SLC44A2: variants seen among roughly 807,000 people sequenced by gnomAD.
The protein encoded by SLC44A2 is choline transporter-like protein 2.
In SLC44A2, 57 loss-of-function variants were observed where a neutral mutation model predicts 90.8. That is an observed-to-expected ratio of 0.63 (90% CI 0.51 to 0.78). SLC44A2 has a LOEUF of 0.78. Ranked by LOEUF, SLC44A2 falls within the 30% of genes least tolerant of loss-of-function variation. The pLI is 0.00. For synonymous variants in SLC44A2, 355 were observed against 360.7 expected (o/e 0.98, Z 0.18); for missense variants, 794 against 919.7 (o/e 0.86, Z 1.77).
intron 1 of SLC44A2, among the ~76,000 whole-genome samples, chr19:10,613,857 C>A (rs905512499): frequency 6.6e-6 from 1 of 152,134 alleles, no homozygotes. Context: ...CCCCTAAAAT[C>A]TCCGAAAGAA....
rs3859515 is a variant in SLC44A2 at position 10,644,427 on chromosome 19, T to C, written c.*1042T>C. On this transcript the variant is annotated 3_prime_UTR_variant, in exon 22 of 22. Coordinates refer to ENST00000335757, the MANE Select transcript of SLC44A2 (RefSeq NM_020428.4). The stretch of plus-strand genomic sequence containing the variant: ...TCCCAGGATCCTGGAGAGGGAGAAC[T>C]CCTGGCCCCAGGGGAAAGAGGGGGG... The C allele has an allele frequency of 1, 152,985 of 153,148 alleles. 76,411 individuals carry two copies. The highest frequency in any genetic ancestry group is 1 in the Middle Eastern group (296 of 296). The allele number at this position is 153,148 out of a possible 1,614,324, so 9.5% of individuals were successfully genotyped here. A position where few individuals can be genotyped will look rare whatever the true frequency, so the allele number is the denominator to read the frequency against.
chr19:10,630,290 C>T (rs900353070), intron 4 of SLC44A2, among the ~76,000 whole-genome samples: 4 of 151,814 alleles, frequency 2.6e-5, no homozygotes, highest in Non-Finnish European at 4.4e-5. Context: ...GTAGAGGCTG[C>T]AGTGAGCCAA....
At chr19:10,640,662 A>G (rs2144891573) in intron 20 of SLC44A2, among the ~76,000 whole-genome samples, 1 of 152,320 alleles carries the variant, frequency 6.6e-6, no homozygotes, top group South Asian at 2.1e-4. Flanking sequence ...CCAGATTGCT[A>G]GGGATGCAGC....
upstream of SLC44A2, among the ~76,000 whole-genome samples, chr19:10,625,096 T>C (rs2066919505): frequency 6.6e-6 from 1 of 151,792 alleles, no homozygotes; most frequent in Non-Finnish European, 1.5e-5. Flanking sequence ...ATTGCACCAC[T>C]GCACTCCAGC....
chr19:10,607,212 C>T (rs1264609767), intron 1 of SLC44A2, among the ~76,000 whole-genome samples: 3 of 151,922 alleles, frequency 2.0e-5, no homozygotes, highest in Non-Finnish European at 4.4e-5. Context: ...CTCGCCCGGC[C>T]TCTTGGGGCT....
At chr19:10,637,608 T>C (rs2067071600) in intron 16 of SLC44A2, 36 bp from the exon 17 acceptor site, 1 of 1,579,910 alleles carries the variant, frequency 6.3e-7, no homozygotes, top group African/African-American at 1.3e-5. Flanking sequence ...CAGGCTGGTG[T>C]CCCCTCACTT....
rs571382786 is a variant in SLC44A2 at position 10,613,863 on chromosome 19, A to G, written c.31+11302A>G. Among the ~76,000 whole-genome samples the G allele has an allele frequency of 3.9e-5, 6 of 152,268 alleles. No homozygotes were observed. In the East Asian group the frequency reaches 1.2e-3, roughly 29 times the overall value. ...ACAGATTTTCCCCTAAAATCTCCGAAAGAAACAGCCCTGCCTACACATCGA... is the reference window on the plus strand; with the variant it reads ...ACAGATTTTCCCCTAAAATCTCCGAGAGAAACAGCCCTGCCTACACATCGA... On this transcript the variant is annotated intron_variant, in intron 1 of 21. Transcript: ENST00000407327.
In SLC44A2 at chr19:10,629,373, G is replaced by A. The variant is rs190579444; in HGVS notation, c.245+1369G>A. Among the ~76,000 whole-genome samples the A allele has an allele frequency of 2.5e-3, 384 of 151,166 alleles. 3 individuals are homozygous for A. The highest frequency in any genetic ancestry group is 8.3e-3 in the African/African-American group (343 of 41,302). ...GCCCACTGCAACCTCCGTCTCCCGG[G>A]TTCAAGCGGTTCTCCTGCCTCAGCC... is the stretch of plus-strand genomic sequence containing the variant. On this transcript the variant is annotated intron_variant, in intron 4 of 21. Coordinates refer to ENST00000335757, the MANE Select transcript of SLC44A2 (RefSeq NM_020428.4).
intron 20 of SLC44A2, chr19:10,641,031 G>A: frequency 2.4e-6 from 1 of 408,608 alleles, no homozygotes; most frequent in Non-Finnish European, 4.7e-6. Context: ...AGGTTGCACT[G>A]AGCCAAGGTC....
intron 21 of SLC44A2, 115 bp from the exon 22 acceptor site, chr19:10,643,164 G>A: frequency 2.7e-6 from 4 of 1,465,428 alleles, no homozygotes; most frequent in East Asian, 2.5e-5. Context: ...GTCCCAGTGT[G>A]TCTGCTTTCT....
chr19:10,643,220 TTGA>T, intron 21 of SLC44A2, 56 bp from the exon 22 acceptor site: 1 of 1,557,586 alleles, frequency 6.4e-7, no homozygotes, highest in South Asian at 1.2e-5. Flanking sequence ...TACCCTGTCC[TTGA>T]GGCCCCTGCC....
chr19:10,642,999 G>A (rs757076774), intron 21 of SLC44A2: 92 of 1,571,578 alleles, frequency 5.9e-5, no homozygotes, highest in Non-Finnish European at 7.1e-5. Flanking sequence ...GAGGGGAAGC[G>A]GGCAGAAGCC....
rs1918155034 is a variant in SLC44A2, at chr19:10,607,780, C to CT, written c.31+5220dup. Among the ~76,000 whole-genome samples, 5 of 146,352 alleles carry CT rather than the reference C, an allele frequency of 3.4e-5. No homozygotes were observed. The Admixed American group carries it at 3.5e-4, about 10-fold the overall frequency. On this transcript the variant is annotated intron_variant, in intron 1 of 21. Coordinates refer to the SLC44A2 transcript ENST00000407327. ...TTTTTTTTTGAGACGGAGTCTCACTCTGTCGCTCAGGCTGGAGTGCAGTGG... is the reference window on the plus strand; with the variant it reads ...TTTTTTTTTGAGACGGAGTCTCACTCTTGTCGCTCAGGCTGGAGTGCAGTGG...
Position 10,627,907 on chromosome 19 carries a change from G to A in SLC44A2, c.161-13G>A. Reference sequence around the variant, plus strand: ...GAGTGGCAGTGTCTCAGTATCCCTGGATCTTTCCACAGCCTGGACTCATGG... The same window carrying A: ...GAGTGGCAGTGTCTCAGTATCCCTGAATCTTTCCACAGCCTGGACTCATGG... On this transcript the variant is annotated splice_polypyrimidine_tract_variant and intron_variant, in intron 3 of 21. Transcript: ENST00000335757. The A allele has an allele frequency of 6.2e-7, 1 of 1,613,894 alleles. No homozygotes were observed. Among genetic ancestry groups the A allele is most frequent in the East Asian group, 2.2e-5 (1 of 44,872 alleles).
intron 4 of SLC44A2, 69 bp downstream of exon 4, chr19:10,628,073 C>A: frequency 1.4e-6 from 2 of 1,381,434 alleles, no homozygotes; most frequent in Non-Finnish European, 2.0e-6. Context: ...CATTCCCCAT[C>A]TCTCTAAGTC....
At position 10,604,637 on chromosome 19, in the gene SLC44A2, G is replaced by A. The variant is rs1307459747; in HGVS notation, c.31+2076G>A. On this transcript the variant is annotated intron_variant, in intron 1 of 21. Coordinates refer to the SLC44A2 transcript ENST00000407327. ...ATCCTGGCTCTGACACTTAGGAGCC[G>A]TGTGGCCCTGGGTGAGTCCGTGACC... is the stretch of plus-strand genomic sequence containing the variant. Among the ~76,000 whole-genome samples the A allele has an allele frequency of 3.9e-5, 6 of 152,132 alleles. No homozygotes were observed. The East Asian group carries it at 9.6e-4, about 24-fold the overall frequency.
At chr19:10,631,814 G>T in intron 8 of SLC44A2, 54 bp from the exon 9 acceptor site, 11 of 1,614,164 alleles carry the variant, frequency 6.8e-6, no homozygotes, top group Non-Finnish European at 9.3e-6. Context: ...ATCCCCTGTG[G>T]TTGGCCTGAT....
At chr19:10,622,064 G>A (rs564021498), upstream of SLC44A2, among the ~76,000 whole-genome samples, 24 of 152,342 alleles carry the variant, frequency 1.6e-4, no homozygotes, top group African/African-American at 5.3e-4. Context: ...GCCTTGCCAA[G>A]GTGATATTTC....
chr19:10,638,218 C>G lies in SLC44A2; in HGVS notation c.1841-9C>G. The G allele has an allele frequency of 6.2e-7, 1 of 1,614,040 alleles. No individual in the cohort carries two copies. ...CCCTTCGCCATCTTGCTTTCTTCTC[C>G]TTCTCCAGGGATCCTGGCTTTCTTC... On this transcript the variant is annotated splice_polypyrimidine_tract_variant and intron_variant, in intron 19 of 21. Coordinates refer to ENST00000335757, the MANE Select transcript of SLC44A2 (RefSeq NM_020428.4).
Sources: gnomAD v4.1 joint callset for allele counts (sites outside exome capture counted in the v4.1 genomes callset) on GRCh38, gnomAD v4.1.1 for gene constraint, MANE v1.5 for transcripts, NCBI Gene and HGNC (gene_info 2026-07-23, HGNC 2026-07-21) for gene names.